Variants in BRI3 observed in about 807,000 individuals in gnomAD.
BRI3 encodes the protein brain protein I3, also known as membrane protein BRI3.
In BRI3, 6 loss-of-function variants were observed where a neutral mutation model predicts 12.8. That is an observed-to-expected ratio of 0.47 (90% CI 0.26 to 0.93). The LOEUF is 0.93. Among genes scored for constraint, BRI3 ranks in the 40% least tolerant of loss-of-function variants. BRI3 has a pLI of 0.15. For missense variants in BRI3, 134 were observed against 171.1 expected (o/e 0.78, Z 1.21); for synonymous variants, 91 against 76.1 (o/e 1.20, Z -1.02).
chr7:98,288,200 CCT>C (rs1248762174), intron 2 of BRI3, among the ~76,000 whole-genome samples: 2 of 152,300 alleles, frequency 1.3e-5, no homozygotes, highest in Middle Eastern at 3.4e-3. Context: ...AGGAAGCTCC[CCT>C]GAGAGGCCTG....
upstream of BRI3, chr7:98,306,306 T>G (rs890332505): frequency 1.2e-5 from 13 of 1,077,688 alleles, no homozygotes; most frequent in African/African-American, 1.4e-4. Context: ...TGAGCCGCGG[T>G]CTCATCTCTG....
At chr7:98,317,491 G>A in the BRI3 span, 7 of 1,211,334 alleles carry the variant, frequency 5.8e-6, no homozygotes, top group African/African-American at 3.0e-5. Flanking sequence ...CCTCACACTG[G>A]CTGGGGCCCC....
At chr7:98,301,849 G>A (rs957383190), upstream of BRI3, among the ~76,000 whole-genome samples, 10 of 152,264 alleles carry the variant, frequency 6.6e-5, no homozygotes, top group African/African-American at 2.2e-4. Flanking sequence ...CAGCTCAGGT[G>A]GGAAGGGTGG....
At chr7:98,292,850 A>G (rs973504826), downstream of BRI3, 37 of 1,454,620 alleles carry the variant, frequency 2.5e-5, no homozygotes, top group African/African-American at 4.9e-4. Flanking sequence ...GGCGACTCCT[A>G]ACTACCAAGA....
intron 2 of BRI3, 118 bp downstream of exon 2, chr7:98,282,571 C>CA: frequency 2.4e-6 from 2 of 816,914 alleles, no homozygotes; most frequent in Non-Finnish European, 4.0e-6. Context: ...GGATCTTGAC[C>CA]AGAGCCCTTT....
At chr7:98,293,937 G>A (rs914142977), downstream of BRI3, 34 of 1,003,930 alleles carry the variant, frequency 3.4e-5, no homozygotes, top group Non-Finnish European at 4.8e-5. Flanking sequence ...GCAGGGGGCT[G>A]CACTCCCCCA....
rs1180326213 is a variant in BRI3 at position 98,290,181 on chromosome 7, GTTTTTTTT to G, written c.246-912_246-905del. ...CAAAATGATCATGCCTCTCAAGGTT[GTTTTTTTT>G]TTTTTTTTTTTTTTTTTGAGACGGA... On this transcript the variant is annotated intron_variant, in intron 2 of 2. Transcript: ENST00000297290. Among the ~76,000 whole-genome samples, 248 of 102,544 alleles carry G rather than the reference GTTTTTTTT, an allele frequency of 2.4e-3. 1 individual carries two copies. The highest frequency in any genetic ancestry group is 5.4e-3 in the Middle Eastern group (1 of 184). The allele number at this position is 102,544 out of a possible 152,430, so 67.3% of individuals were successfully genotyped here.
intron 1 of BRI3, 45 bp from the exon 2 acceptor site, chr7:98,282,306 G>A (rs111849767): frequency 0.39 from 584,852 of 1,514,698 alleles, 126,783 homozygotes; most frequent in Middle Eastern, 0.48. Context: ...GTGGCGGTCC[G>A]ATTTCTCCTC....
chr7:98,306,321 G>T, upstream of BRI3: 1 of 1,220,386 alleles, frequency 8.2e-7, no homozygotes. Context: ...TCTCTGACTA[G>T]TCCACGAGAG....
At position 98,307,859 on chromosome 7, in the gene BRI3, C is replaced by T. The variant is rs779672960; in HGVS notation, n.489C>T. 17 of 1,614,090 alleles carry T rather than the reference C, an allele frequency of 1.1e-5. No individual in the cohort carries two copies. In the African/African-American group the frequency reaches 1.1e-4, roughly 10 times the overall value. ...TCATCATGTTCAGTCCCGTTGCAAC[C>T]GAAACTGATCGCTGTAAACTGGGAT... On this transcript the variant is annotated non_coding_transcript_exon_variant, in exon 2 of 2. Coordinates refer to the BRI3 transcript ENST00000485422.
chr7:98,293,328 T>C (rs1003244061), downstream of BRI3: 2 of 544,664 alleles, frequency 3.7e-6, no homozygotes, highest in Admixed American at 6.8e-5. Context: ...AGACTATTAC[T>C]CATTTATCTT....
At chr7:98,292,634 T>C (rs1486936571), downstream of BRI3, 1 of 1,551,478 alleles carries the variant, frequency 6.4e-7, no homozygotes, top group Non-Finnish European at 8.7e-7. Context: ...CCCGCCCTTC[T>C]CCAGGCACCA....
chr7:98,291,287 CTAATG>C lies in BRI3; in HGVS notation c.*48_*52del. ...CTTTCCTACACCCAGCTCTCTTTTT[CTAATG>C]TAAATGTTGTGTACAATAATTTTAT... On this transcript the variant is annotated 3_prime_UTR_variant, in exon 3 of 3. Coordinates refer to ENST00000297290, the MANE Select transcript of BRI3 (RefSeq NM_015379.5). 1 of 1,610,474 alleles carries C rather than the reference CTAATG, an allele frequency of 6.2e-7. No homozygotes were observed. Among genetic ancestry groups the C allele is most frequent in the Admixed American group, 1.7e-5 (1 of 59,754 alleles).
chr7:98,293,382 A>G, downstream of BRI3: 2 of 759,610 alleles, frequency 2.6e-6, no homozygotes, highest in East Asian at 5.0e-5. Flanking sequence ...ACAGAGAAGC[A>G]TGATTTGCTT....
At chr7:98,316,559 T>C in the BRI3 span, among the ~76,000 whole-genome samples, 1 of 152,232 alleles carries the variant, frequency 6.6e-6, no homozygotes, top group South Asian at 2.1e-4. Context: ...ATAGGGCACA[T>C]GTGATAATGA....
downstream of BRI3, chr7:98,292,244 G>C (rs1799991163): frequency 1.2e-5 from 3 of 254,360 alleles, no homozygotes; most frequent in Admixed American, 5.0e-5. Context: ...CCAGCACCCA[G>C]CAACACACAC....
downstream of BRI3, chr7:98,310,671 T>A: frequency 8.4e-7 from 1 of 1,187,136 alleles, no homozygotes; most frequent in Non-Finnish European, 1.1e-6. Context: ...CTGTTTTTTT[T>A]TTTTAAATAA....
intron 2 of BRI3, among the ~76,000 whole-genome samples, chr7:98,290,166 AT>A (rs1799857796): frequency 6.9e-6 from 1 of 145,556 alleles, no homozygotes; most frequent in Admixed American, 6.9e-5. Context: ...CAAAATGATC[AT>A]GCCTCTCAAG....
rs1269333947 is a variant in BRI3 at position 98,288,664 on chromosome 7, C to T, written c.246-2447C>T. Among the ~76,000 whole-genome samples the T allele has an allele frequency of 2.0e-5, 3 of 151,962 alleles. No individual in the cohort carries two copies. In the East Asian group the frequency reaches 5.8e-4, roughly 29 times the overall value. Reference sequence around the variant, plus strand: ...GGTATAAGAGTGCTGCAGGACTTCTCAGAGCCTTTTGAGAACGAATGGACA... The same window carrying T: ...GGTATAAGAGTGCTGCAGGACTTCTTAGAGCCTTTTGAGAACGAATGGACA... On this transcript the variant is annotated intron_variant, in intron 2 of 2. Coordinates refer to ENST00000297290, the MANE Select transcript of BRI3 (RefSeq NM_015379.5).
Sources: allele counts gnomAD v4.1 joint callset (sites outside exome capture counted in the v4.1 genomes callset), GRCh38; gene constraint gnomAD v4.1.1; transcripts MANE v1.5; gene names NCBI Gene and HGNC (gene_info 2026-07-23, HGNC 2026-07-21).